Variants in MTA3 observed in about 807,000 individuals in gnomAD.
The protein encoded by MTA3 is metastasis associated 1 family member 3, also known as metastasis-associated protein MTA3.
MTA3 carries 34 observed loss-of-function variants against 83.5 expected under a neutral mutation model. The ratio of observed to expected loss-of-function variants is 0.41; its 90% CI spans 0.31 to 0.54. The LOEUF (loss-of-function observed/expected upper bound fraction) is 0.54, where lower values mean the gene tolerates loss of function less well. Ranked by LOEUF, MTA3 falls within the 20% of genes least tolerant of loss-of-function variation. The probability of loss-of-function intolerance (pLI) is 0.33; values close to 1 mark genes in which losing one functional copy is unlikely to be tolerated. For missense variants in MTA3, 761 were observed against 726.4 expected (o/e 1.05, Z -0.55); for synonymous variants, 303 against 252.7 (o/e 1.20, Z -1.89).
intron 10 of MTA3, among the ~76,000 whole-genome samples, chr2:42,696,864 C>CT (rs1693431975): frequency 6.6e-6 from 1 of 152,122 alleles, no homozygotes; most frequent in Non-Finnish European, 1.5e-5. Flanking sequence ...TCAAAAAGTG[C>CT]TTATTATAAA....
chr2:42,744,083 T>C (rs147221192), intron 16 of MTA3, among the ~76,000 whole-genome samples: 2 of 152,328 alleles, frequency 1.3e-5, no homozygotes, highest in East Asian at 3.9e-4. Context: ...AAAAATATTT[T>C]CTAAAGGACT....
intron 4 of MTA3, among the ~76,000 whole-genome samples, chr2:42,628,522 C>A (rs1686351899): frequency 1.3e-5 from 2 of 152,322 alleles, no homozygotes; most frequent in South Asian, 2.1e-4. Context: ...GCGTGAGCCA[C>A]CAACCCAGCC....
chr2:42,684,054 TC>T (rs1160356267), intron 9 of MTA3, among the ~76,000 whole-genome samples: 1 of 152,182 alleles, frequency 6.6e-6, no homozygotes, highest in East Asian at 1.9e-4. Flanking sequence ...ATTAACACAT[TC>T]ATCACCTCAC....
chr2:42,609,570 C>A lies in MTA3; in HGVS notation c.303C>A (p.Pro101=), dbSNP rs781204306. The A allele has an allele frequency of 6.2e-7, 1 of 1,613,376 alleles. No individual in the cohort carries two copies. The highest frequency in any genetic ancestry group is 1.3e-5 in the African/African-American group (1 of 74,876). Residue 101 remains proline, a synonymous_variant, in exon 4 of 17, where the codon CCC becomes CCA. Transcript: ENST00000405094. ...LFLSRQYESL[P]ATHIRGKCSV... is the part of the protein sequence containing the mutation. ...TGTCACGCCAGTATGAATCTCTGCC[C>A]GCAACACATATCAGGTAAGAACTTT... is the stretch of plus-strand genomic sequence containing the variant.
chr2:42,550,679 C>T (rs1361394794), intron 2 of MTA3, among the ~76,000 whole-genome samples: 1 of 152,110 alleles, frequency 6.6e-6, no homozygotes, highest in African/African-American at 2.4e-5. Context: ...AAGGGCTATC[C>T]TTGAATATTG....
chr2:42,687,529 T>C (rs1221916594), intron 9 of MTA3, among the ~76,000 whole-genome samples: 1 of 152,212 alleles, frequency 6.6e-6, no homozygotes, highest in Non-Finnish European at 1.5e-5. Flanking sequence ...TTTTGCATGC[T>C]AGTTTTAGTG....
chr2:42,622,371 G>C (rs532244606), intron 4 of MTA3, among the ~76,000 whole-genome samples: 104 of 150,424 alleles, frequency 6.9e-4, no homozygotes, highest in South Asian at 4.3e-4. Context: ...GTCCAGCTTC[G>C]GCTCGGCATG....
chr2:42,685,727 G>T (rs1489439315), intron 9 of MTA3, among the ~76,000 whole-genome samples: 1 of 152,158 alleles, frequency 6.6e-6, no homozygotes, highest in East Asian at 1.9e-4. Flanking sequence ...GTATTTTGGA[G>T]ACTGGAATTG....
intron 4 of MTA3, among the ~76,000 whole-genome samples, chr2:42,615,026 C>G (rs1402589113): frequency 6.6e-6 from 1 of 151,180 alleles, no homozygotes; most frequent in Non-Finnish European, 1.5e-5. Flanking sequence ...CACGGTGACT[C>G]ATGACTGTAA....
chr2:42,520,898 G>C (rs544217490), intron 2 of MTA3, among the ~76,000 whole-genome samples: 1 of 152,208 alleles, frequency 6.6e-6, no homozygotes, highest in African/African-American at 2.4e-5. Context: ...CTCCACCCCA[G>C]TGGAGCTCCC....
intron 7 of MTA3, among the ~76,000 whole-genome samples, chr2:42,658,981 A>G (rs912918176): frequency 1.3e-5 from 2 of 150,944 alleles, no homozygotes; most frequent in African/African-American, 2.4e-5. Flanking sequence ...GCCTATAGTT[A>G]CAGCTACTTG....
chr2:42,706,147 G>GAT (rs1254420863), intron 12 of MTA3, among the ~76,000 whole-genome samples: 1 of 152,088 alleles, frequency 6.6e-6, no homozygotes, highest in Admixed American at 6.6e-5. Context: ...AGCAGGGAGG[G>GAT]ATAGCTTTAG....
At chr2:42,599,979 G>T (rs906758684) in intron 3 of MTA3, among the ~76,000 whole-genome samples, 1 of 151,508 alleles carries the variant, frequency 6.6e-6, no homozygotes. Flanking sequence ...GGCGGATCAC[G>T]AGGTCAGGAG....
chr2:42,697,965 T>G, intron 11 of MTA3, 131 bp downstream of exon 11: 1 of 596,892 alleles, frequency 1.7e-6, no homozygotes, highest in Non-Finnish European at 2.9e-6. Context: ...GCATGAGACT[T>G]ACTATTATAC....
intron 16 of MTA3, among the ~76,000 whole-genome samples, chr2:42,727,553 G>C (rs937035670): frequency 3.3e-5 from 5 of 152,196 alleles, no homozygotes; most frequent in Non-Finnish European, 7.3e-5. Context: ...TTCCATGTCA[G>C]AAAGCCCTGA....
At chr2:42,534,911 C>T (rs1041956861) in intron 2 of MTA3, among the ~76,000 whole-genome samples, 3 of 152,098 alleles carry the variant, frequency 2.0e-5, no homozygotes, top group Admixed American at 6.6e-5. Context: ...GCGTGAGCCA[C>T]TGCACCTGGC....
At chr2:42,628,206 T>TTTTG (rs370733948) in intron 4 of MTA3, among the ~76,000 whole-genome samples, 13 of 142,596 alleles carry the variant, frequency 9.1e-5, no homozygotes, top group African/African-American at 3.4e-4. Context: ...CTTCTTATCG[T>TTTTG]TTTATTTATT....
chr2:42,728,176 T>A (rs1188499677), intron 16 of MTA3, among the ~76,000 whole-genome samples: 2 of 152,210 alleles, frequency 1.3e-5, no homozygotes. Flanking sequence ...TTAGTACAAG[T>A]AAGTGAGAAT....
intron 3 of MTA3, among the ~76,000 whole-genome samples, chr2:42,595,787 G>A (rs886835558): frequency 2.6e-5 from 4 of 152,042 alleles, no homozygotes; most frequent in Non-Finnish European, 5.9e-5. Context: ...AGTAACTTAT[G>A]ACTTAGTAAT....
Sources: allele counts gnomAD v4.1 joint callset (sites outside exome capture counted in the v4.1 genomes callset), GRCh38; gene constraint gnomAD v4.1.1; transcripts MANE v1.5; gene names NCBI Gene and HGNC (gene_info 2026-07-23, HGNC 2026-07-21).